The following MYH11 variants were observed in gnomAD, a reference collection of about 807,000 sequenced individuals.
MYH11 encodes the protein myosin-11.
MYH11 carries 80 observed loss-of-function variants against 246.6 expected under a neutral mutation model. That is an observed-to-expected ratio of 0.32 (90% CI 0.27 to 0.39). The LOEUF (loss-of-function observed/expected upper bound fraction) is 0.39. Among genes scored for constraint, MYH11 ranks in the 10% least tolerant of loss-of-function variants. The probability of loss-of-function intolerance (pLI) is 1.00; values close to 1 mark genes in which losing one functional copy is unlikely to be tolerated. For missense variants in MYH11, 2,158 were observed against 2,546.8 expected, an observed-to-expected ratio of 0.85 and a Z score of 3.29; for synonymous variants, 1,071 against 1,015.5, an observed-to-expected ratio of 1.05 and a Z score of -1.04.
chr16:15,763,675 A>T, intron 10 of MYH11, 121 bp downstream of exon 10: 2 of 846,224 alleles, frequency 2.4e-6, no homozygotes, highest in Non-Finnish European at 4.1e-6. Flanking sequence ...ATAAGAACCT[A>T]GTCCAACTGT....
chr16:15,725,699 C>T (rs777652969), intron 28 of MYH11: 19 of 398,774 alleles, frequency 4.8e-5, no homozygotes, highest in East Asian at 1.4e-4. Flanking sequence ...ATTCTTCCCT[C>T]GCCCCTTGGT....
chr16:15,721,645 A>G lies in MYH11; in HGVS notation c.4366-11T>C. ...CTCCTCGGCTAACAACTACAACACAAGACCCAGAGGTGACTTCTAGGCATA... is the reference window on the plus strand; with the variant it reads ...CTCCTCGGCTAACAACTACAACACAGGACCCAGAGGTGACTTCTAGGCATA... On this transcript the variant is annotated splice_polypyrimidine_tract_variant and intron_variant, in intron 31 of 40. Coordinates refer to ENST00000300036, the MANE Select transcript of MYH11 (RefSeq NM_002474.3). 11 of 1,614,114 alleles carry G rather than the reference A, an allele frequency of 6.8e-6. No homozygotes were observed. The highest frequency in any genetic ancestry group is 9.3e-6 in the Non-Finnish European group (11 of 1,179,974).
intron 24 of MYH11, 94 bp downstream of exon 24, chr16:15,738,471 C>G: frequency 1.6e-6 from 2 of 1,233,782 alleles, no homozygotes; most frequent in Non-Finnish European, 2.3e-6. Context: ...CATGATCGCA[C>G]CACTGCACTG....
intron 2 of MYH11, among the ~76,000 whole-genome samples, chr16:15,831,368 T>C (rs1485474756): frequency 6.6e-6 from 1 of 151,928 alleles, no homozygotes; most frequent in East Asian, 1.9e-4. Flanking sequence ...TCTGACTAGA[T>C]AGTTATGAAC....
intron 8 of MYH11, among the ~76,000 whole-genome samples, chr16:15,774,281 T>G (rs976522214): frequency 1.3e-5 from 2 of 152,226 alleles, no homozygotes; most frequent in Non-Finnish European, 2.9e-5. Flanking sequence ...TCTTTCCAGT[T>G]CTATCATCTA....
At chr16:15,812,037 A>G (rs896137456) in intron 3 of MYH11, among the ~76,000 whole-genome samples, 1 of 152,092 alleles carries the variant, frequency 6.6e-6, no homozygotes, top group African/African-American at 2.4e-5. Flanking sequence ...ACGTTCATTT[A>G]TTGAACTTAG....
chr16:15,747,541 G>C (rs2041451501), intron 19 of MYH11, 29 bp downstream of exon 19: 2 of 1,613,900 alleles, frequency 1.2e-6, no homozygotes, highest in Admixed American at 1.7e-5. Context: ...TCGCGTTTGA[G>C]GTATTAGGAT....
intron 20 of MYH11, among the ~76,000 whole-genome samples, chr16:15,744,386 G>C (rs2041359438): frequency 6.6e-6 from 1 of 151,932 alleles, no homozygotes; most frequent in Admixed American, 6.6e-5. Context: ...GTAGAGACAG[G>C]GTTTCACCAT....
At chr16:15,800,892 T>C (rs1030960525) in intron 3 of MYH11, among the ~76,000 whole-genome samples, 2 of 152,052 alleles carry the variant, frequency 1.3e-5, no homozygotes, top group Non-Finnish European at 2.9e-5. Context: ...AATTCTGGTG[T>C]GTTTATATAA....
chr16:15,812,148 C>T (rs935859593), intron 3 of MYH11, among the ~76,000 whole-genome samples: 6 of 152,120 alleles, frequency 3.9e-5, no homozygotes. Flanking sequence ...CCGGTGTCAC[C>T]GACTGACCAG....
chr16:15,786,640 G>C lies in MYH11; in HGVS notation c.623C>G (p.Thr208Arg), dbSNP rs1204903959. 1.9e-6 allele frequency: 3 copies of C among 1,613,976 alleles called. No homozygotes were observed. In the African/African-American group the frequency reaches 4.0e-5, roughly 22 times the overall value. ...VASSHKGKKD[T>R]SITGELEKQL... ...GGAACTGCCACTCACCGTGATACTT[G>C]TGTCTTTCTTGCCCTTGTGGGAGGA... Residue 208 changes from threonine to arginine, a missense_variant, in exon 5 of 41, where the codon ACA (threonine) becomes AGA (arginine). Physicochemically the swap from Thr to Arg is moderately conservative, Grantham distance 71. Coordinates refer to ENST00000300036, the MANE Select transcript of MYH11 (RefSeq NM_002474.3).
chr16:15,756,953 G>A (rs1481877808), intron 13 of MYH11, among the ~76,000 whole-genome samples: 2 of 149,688 alleles, frequency 1.3e-5, no homozygotes, highest in African/African-American at 2.5e-5. Flanking sequence ...CGCCTGCCAC[G>A]GCGCCCGGCT....
At position 15,703,653 on chromosome 16, in the gene MYH11, A is replaced by G; in HGVS notation, c.*338T>C. On this transcript the variant is annotated 3_prime_UTR_variant, in exon 41 of 41. Coordinates refer to ENST00000300036, the MANE Select transcript of MYH11 (RefSeq NM_002474.3). Reference sequence around the variant, plus strand: ...GCCCAGGCTGGAGTGCAATGATGCAATTATAGCTCATTGCAGCCTCGAAGT... The same window carrying G: ...GCCCAGGCTGGAGTGCAATGATGCAGTTATAGCTCATTGCAGCCTCGAAGT... 6.9e-6 allele frequency: 3 copies of G among 433,686 alleles called. No individual in the cohort carries two copies. Among genetic ancestry groups the G allele is most frequent in the South Asian group, 2.2e-5 (1 of 44,960 alleles). 26.9% of individuals were successfully genotyped at this position (433,686 alleles called of 1,614,324 possible). A position where few individuals can be genotyped will look rare whatever the true frequency, so the allele number is the denominator to read the frequency against.
intron 1 of MYH11, among the ~76,000 whole-genome samples, chr16:15,841,907 C>T (rs1474430658): frequency 6.6e-6 from 1 of 152,184 alleles, no homozygotes; most frequent in Non-Finnish European, 1.5e-5. Context: ...ACGCTTGGGC[C>T]CCAAATCCCA....
intron 5 of MYH11, among the ~76,000 whole-genome samples, chr16:15,784,083 C>A (rs894498250): frequency 6.6e-6 from 1 of 152,084 alleles, no homozygotes; most frequent in South Asian, 2.1e-4. Flanking sequence ...GTAGCTGGGG[C>A]CTTACCGCGC....
intron 3 of MYH11, among the ~76,000 whole-genome samples, chr16:15,817,891 C>A (rs568563913): frequency 4.3e-4 from 66 of 152,162 alleles, no homozygotes; most frequent in Non-Finnish European, 8.8e-4. Flanking sequence ...TTATAAAGCC[C>A]CACCTCTCTC....
At chr16:15,707,745 G>A (rs185152678) in intron 40 of MYH11, among the ~76,000 whole-genome samples, 11 of 152,218 alleles carry the variant, frequency 7.2e-5, no homozygotes, top group Admixed American at 2.6e-4. Context: ...GCCAAGGCGC[G>A]CGGATCACCT....
In MYH11 at chr16:15,746,089, A is replaced by G. The variant is rs117199037; in HGVS notation, c.2412-852T>C. On this transcript the variant is annotated intron_variant, in intron 19 of 40. Coordinates refer to ENST00000300036, the MANE Select transcript of MYH11 (RefSeq NM_002474.3). ...ATGCTACCATGCCCAGCTAATTTTT[A>G]AAGTTTTTTTTTTTTGGTAGAGATA... Among the ~76,000 whole-genome samples the G allele has an allele frequency of 3.6e-3, 537 of 150,038 alleles. 3 individuals carry two copies. Among genetic ancestry groups the G allele is most frequent in the Admixed American group, 0.02 (301 of 15,054 alleles).
chr16:15,787,990 A>G (rs1417166763), intron 4 of MYH11, among the ~76,000 whole-genome samples: 2 of 151,732 alleles, frequency 1.3e-5, no homozygotes, highest in Non-Finnish European at 2.9e-5. Flanking sequence ...AATTCACACT[A>G]AAGTGTAAAT....
Sources: allele counts gnomAD v4.1 joint callset (sites outside exome capture counted in the v4.1 genomes callset), GRCh38; gene constraint gnomAD v4.1.1; transcripts MANE v1.5; gene names NCBI Gene and HGNC (gene_info 2026-07-23, HGNC 2026-07-21).